SLC35G2: variants seen among roughly 807,000 people sequenced by gnomAD.
SLC35G2 encodes the protein transmembrane protein 22.
Under a neutral mutation model 27.2 loss-of-function variants are expected in SLC35G2, and 20 were observed. The observed-to-expected ratio is 0.74, with a 90% CI of 0.52 to 1.07. The LOEUF (loss-of-function observed/expected upper bound fraction) is 1.07, where lower values mean the gene tolerates loss of function less well. SLC35G2 is among the 50% of genes least tolerant of loss of function. The pLI, the probability that SLC35G2 is intolerant of heterozygous loss-of-function variation, is 0.00. For synonymous variants in SLC35G2, 148 were observed against 165.3 expected, an observed-to-expected ratio of 0.90 and a Z score of 0.80; for missense variants, 416 against 493.3, an observed-to-expected ratio of 0.84 and a Z score of 1.48.
At chr3:136,826,012 T>G (rs1316270874) in intron 1 of SLC35G2, among the ~76,000 whole-genome samples, 2 of 145,414 alleles carry the variant, frequency 1.4e-5, no homozygotes, top group African/African-American at 2.5e-5. Context: ...AGCCATCAGG[T>G]CCTGGGCTTT....
intron 1 of SLC35G2, among the ~76,000 whole-genome samples, chr3:136,835,361 C>T (rs1183456764): frequency 1.7e-5 from 1 of 58,322 alleles, no homozygotes; most frequent in African/African-American, 6.9e-5. Flanking sequence ...GATGTTTCTT[C>T]TTGATTAGAT....
intron 1 of SLC35G2, chr3:136,842,690 T>A (rs1560015707): frequency 6.6e-6 from 1 of 152,270 alleles, no homozygotes; most frequent in Non-Finnish European, 1.5e-5. Flanking sequence ...GGAGCAGTTG[T>A]AGAATGCAGT....
At chr3:136,822,377 TG>T (rs1365489627) in intron 1 of SLC35G2, among the ~76,000 whole-genome samples, 1 of 152,298 alleles carries the variant, frequency 6.6e-6, no homozygotes, top group African/African-American at 2.4e-5. Flanking sequence ...TGCAGTGGCA[TG>T]ATCACAGCTC....
intron 1 of SLC35G2, among the ~76,000 whole-genome samples, chr3:136,850,772 T>C (rs972615391): frequency 2.6e-5 from 4 of 151,770 alleles, no homozygotes; most frequent in Non-Finnish European, 4.4e-5. Context: ...GGCATGCTTA[T>C]TGCTTGAACC....
At chr3:136,832,778 A>G (rs9842577) in intron 1 of SLC35G2, among the ~76,000 whole-genome samples, 103,520 of 152,110 alleles carry the variant, frequency 0.68, 35,506 homozygotes, top group East Asian at 0.87. Context: ...AAGATGGTGG[A>G]AGGACTGAGG....
intron 1 of SLC35G2, among the ~76,000 whole-genome samples, chr3:136,836,048 T>G (rs1188321600): frequency 6.6e-6 from 1 of 152,178 alleles, no homozygotes; most frequent in Non-Finnish European, 1.5e-5. Context: ...AACCAAGATC[T>G]GGATGCTAGG....
At chr3:136,835,149 T>G (rs1936830798) in intron 1 of SLC35G2, among the ~76,000 whole-genome samples, 1 of 152,230 alleles carries the variant, frequency 6.6e-6, no homozygotes, top group South Asian at 2.1e-4. Flanking sequence ...CCTAACAATT[T>G]CCTTTTTGAA....
chr3:136,833,713 T>C (rs544215203), intron 1 of SLC35G2, among the ~76,000 whole-genome samples: 24 of 152,242 alleles, frequency 1.6e-4, no homozygotes, highest in African/African-American at 5.8e-4. Flanking sequence ...CAGGCAGTAA[T>C]GCTCGCTTGC....
rs754351677 is a variant in SLC35G2 at position 136,854,425 on chromosome 3, AT to A, written c.-18-11del. The A allele has an allele frequency of 1.6e-5, 24 of 1,493,008 alleles. No homozygotes were observed. Among genetic ancestry groups the A allele is most frequent in the African/African-American group, 2.8e-5 (2 of 70,856 alleles). The allele number at this position is 1,493,008 out of a possible 1,614,324, so 92.5% of individuals were successfully genotyped here. On this transcript the variant is annotated splice_polypyrimidine_tract_variant and intron_variant, in intron 1 of 1. Coordinates refer to ENST00000446465, the MANE Select transcript of SLC35G2 (RefSeq NM_025246.3). Reference sequence around the variant, plus strand: ...CAATGAAATGAATGTCTTTTTGTCAATTTTTTTCTTTAAATAGAATTGATTA... The same window carrying A: ...CAATGAAATGAATGTCTTTTTGTCAATTTTTTCTTTAAATAGAATTGATTA...
At chr3:136,847,954 G>C (rs1294019700) in intron 1 of SLC35G2, among the ~76,000 whole-genome samples, 1 of 152,192 alleles carries the variant, frequency 6.6e-6, no homozygotes, top group Non-Finnish European at 1.5e-5. Flanking sequence ...TCCAGCCTGG[G>C]CGACAGAGCA....
rs533738582 is a variant in SLC35G2, at chr3:136,820,072, C to G, written c.-19+444C>G. 4.6e-5 allele frequency: 7 copies of G among 152,434 alleles called. No homozygotes were observed. In the East Asian group the frequency reaches 1.3e-3, roughly 29 times the overall value. 9.4% of individuals were successfully genotyped at this position (152,434 alleles called of 1,614,324 possible). A position where few individuals can be genotyped will look rare whatever the true frequency, so the allele number is the denominator to read the frequency against. ...AGACTCGTGTTGCGGCGGATGAAGG[C>G]TCAGCGCGGACCTGCATCTCGGGCC... On this transcript the variant is annotated intron_variant, in intron 1 of 1. Transcript: ENST00000446465.
At position 136,854,593 on chromosome 3, in the gene SLC35G2, T is replaced by C. The variant is rs758200066; in HGVS notation, c.133T>C (p.Tyr45His). Residue 45 changes from tyrosine to histidine, a missense_variant, in exon 2 of 2, where the codon TAT becomes CAT. Coordinates refer to ENST00000446465, the MANE Select transcript of SLC35G2 (RefSeq NM_025246.3). ...TGGATATGAAGAAATCAATGAAGGC[T>C]ATGGAAATTTTATGGAGGAAAATCC... ...DDGYEEINEG[Y>H]GNFMEENPKK... The C allele has an allele frequency of 2.1e-5, 34 of 1,613,064 alleles. No individual in the cohort carries two copies. In the East Asian group the frequency reaches 7.1e-4, roughly 34 times the overall value.
At chr3:136,821,404 T>C (rs1560008586) in intron 1 of SLC35G2, among the ~76,000 whole-genome samples, 1 of 152,130 alleles carries the variant, frequency 6.6e-6, no homozygotes, top group Non-Finnish European at 1.5e-5. Context: ...CTTAAAAAAA[T>C]TATTGTGGAA....
Position 136,855,345 on chromosome 3 carries a change from G to T in SLC35G2, c.885G>T (p.Gly295=), listed in dbSNP as rs763189326. 8.1e-6 allele frequency: 13 copies of T among 1,614,174 alleles called. No individual in the cohort carries two copies. Among genetic ancestry groups the T allele is most frequent in the Non-Finnish European group, 1.1e-5 (13 of 1,180,030 alleles). ...CACTGTTTACTTTTGGTTGGACTGGGACAATTTGGGGAATATCTACTATGT... is the reference window on the plus strand; with the variant it reads ...CACTGTTTACTTTTGGTTGGACTGGTACAATTTGGGGAATATCTACTATGT... ...WTALFTFGWT[G]TIWGISTMFI... is the part of the protein sequence containing the mutation. The change falls in exon 2 of 2, where the codon GGG becomes GGT. Residue 295 remains glycine, a synonymous_variant. Transcript: ENST00000446465.
chr3:136,846,368 C>T (rs549975153), intron 1 of SLC35G2, among the ~76,000 whole-genome samples: 1 of 152,318 alleles, frequency 6.6e-6, no homozygotes, highest in South Asian at 2.1e-4. Flanking sequence ...CAAGCAGACA[C>T]CAAACTGTGC....
At chr3:136,823,451 A>G (rs1323924393) in intron 1 of SLC35G2, among the ~76,000 whole-genome samples, 1 of 152,222 alleles carries the variant, frequency 6.6e-6, no homozygotes, top group East Asian at 1.9e-4. Context: ...TTGGTTGCCT[A>G]TGCTGGTGTG....
chr3:136,843,313 ACT>A (rs1461429334), intron 1 of SLC35G2: 7 of 103,100 alleles, frequency 6.8e-5, no homozygotes, highest in Non-Finnish European at 1.1e-4. Context: ...ACAGTGCGAG[ACT>A]CTGTCTCAAA....
intron 1 of SLC35G2, among the ~76,000 whole-genome samples, chr3:136,825,973 A>T (rs1169637285): frequency 6.6e-6 from 1 of 152,084 alleles, no homozygotes; most frequent in Non-Finnish European, 1.5e-5. Flanking sequence ...ATAGGATTAG[A>T]ATGCTTCCTT....
At chr3:136,828,599 C>T (rs1004042956) in intron 1 of SLC35G2, among the ~76,000 whole-genome samples, 11 of 152,104 alleles carry the variant, frequency 7.2e-5, no homozygotes, top group Non-Finnish European at 1.6e-4. Context: ...CTTTGTCCAT[C>T]CCTTTATTAT....
Sources: gnomAD v4.1 joint callset for allele counts (sites outside exome capture counted in the v4.1 genomes callset) on GRCh38, gnomAD v4.1.1 for gene constraint, MANE v1.5 for transcripts, NCBI Gene and HGNC (gene_info 2026-07-23, HGNC 2026-07-21) for gene names.